Variants in SGCZ observed in about 807,000 individuals in gnomAD.
SGCZ encodes the protein zeta-sarcoglycan.
SGCZ carries 40 observed loss-of-function variants against 41.3 expected under a neutral mutation model. That is an observed-to-expected ratio of 0.97 (90% CI 0.75 to 1.26). SGCZ has a LOEUF of 1.26. SGCZ is among the 50% of genes most tolerant of loss of function. The pLI is 0.00. For synonymous variants in SGCZ, 206 were observed against 137.5 expected (o/e 1.50, Z -3.49); for missense variants, 552 against 369.8 (o/e 1.49, Z -4.04).
In SGCZ at chr8:15,038,098, A is replaced by T. The variant is rs935121807; in HGVS notation, c.39+199487T>A. ...AGTGACGTTTTTAAACAGAAATATAAAAAAAAATCTAAAATTTATATGGAA... is the reference window on the plus strand; with the variant it reads ...AGTGACGTTTTTAAACAGAAATATATAAAAAAATCTAAAATTTATATGGAA... On this transcript the variant is annotated intron_variant, in intron 1 of 7. Transcript: ENST00000382080. 1.5e-3 allele frequency among the ~76,000 whole-genome samples: 5 copies of T among 3,390 alleles called. No individual in the cohort carries two copies. In the Non-Finnish European group the frequency reaches 0.022, roughly 15 times the overall value. 2.2% of individuals were successfully genotyped at this position (3,390 alleles called of 152,430 possible).
intron 1 of SGCZ, among the ~76,000 whole-genome samples, chr8:15,178,360 AG>A: frequency 6.6e-6 from 1 of 152,148 alleles, no homozygotes; most frequent in Non-Finnish European, 1.5e-5. Flanking sequence ...CAGAGATCTG[AG>A]TTCAAAACCA....
At chr8:14,880,536 A>T (rs914541881) in intron 1 of SGCZ, among the ~76,000 whole-genome samples, 1 of 152,218 alleles carries the variant, frequency 6.6e-6, no homozygotes, top group African/African-American at 2.4e-5. Context: ...CACAATAGCA[A>T]AGACTTGGAA....
intron 7 of SGCZ, among the ~76,000 whole-genome samples, chr8:14,101,917 G>C (rs1288206658): frequency 5.3e-5 from 8 of 151,760 alleles, no homozygotes; most frequent in Admixed American, 3.3e-4. Context: ...TTTTGAGACG[G>C]AGTCTCGCTC....
chr8:14,674,980 C>A (rs917997605), intron 1 of SGCZ, among the ~76,000 whole-genome samples: 1 of 114,464 alleles, frequency 8.7e-6, no homozygotes, highest in East Asian at 3.0e-4. Context: ...CCTCTGTCGT[C>A]CAGGCTGAAG....
chr8:14,443,424 C>T (rs559262974), intron 2 of SGCZ, among the ~76,000 whole-genome samples: 7 of 152,182 alleles, frequency 4.6e-5, no homozygotes, highest in Non-Finnish European at 8.8e-5. Flanking sequence ...TACAAGGCTA[C>T]AGTAACCAAA....
chr8:14,577,656 G>C (rs1263810423), intron 1 of SGCZ, among the ~76,000 whole-genome samples: 1 of 152,060 alleles, frequency 6.6e-6, no homozygotes, highest in Non-Finnish European at 1.5e-5. Flanking sequence ...CCAAAGTGCT[G>C]GGATTACAGC....
At chr8:14,776,419 A>G (rs1800402695) in intron 1 of SGCZ, among the ~76,000 whole-genome samples, 2 of 151,912 alleles carry the variant, frequency 1.3e-5, no homozygotes. Context: ...CTTCACCGTG[A>G]CTGAGTCCAT....
At chr8:14,153,572 C>G (rs1445376404) in intron 5 of SGCZ, among the ~76,000 whole-genome samples, 1 of 152,108 alleles carries the variant, frequency 6.6e-6, no homozygotes, top group Non-Finnish European at 1.5e-5. Flanking sequence ...TTAGGATTCT[C>G]TTTCATTTAA....
intron 1 of SGCZ, among the ~76,000 whole-genome samples, chr8:14,855,934 T>A (rs1219900680): frequency 6.6e-6 from 1 of 152,174 alleles, no homozygotes; most frequent in Non-Finnish European, 1.5e-5. Context: ...TAAAGGCCGA[T>A]CCGAATTTTG....
At chr8:14,944,649 T>C (rs953881669) in intron 1 of SGCZ, among the ~76,000 whole-genome samples, 30 of 152,306 alleles carry the variant, frequency 2.0e-4, no homozygotes, top group African/African-American at 7.0e-4. Context: ...TGAATAGCTG[T>C]AAATACATTC....
chr8:15,049,894 T>G (rs1804452916), intron 1 of SGCZ, among the ~76,000 whole-genome samples: 1 of 152,162 alleles, frequency 6.6e-6, no homozygotes, highest in Non-Finnish European at 1.5e-5. Context: ...AGAGGTGACT[T>G]TGCTCCTCCT....
In SGCZ at chr8:14,444,151, G is replaced by T. The variant is rs901942545; in HGVS notation, c.234+110581C>A. Among the ~76,000 whole-genome samples, 112 of 152,244 alleles carry T rather than the reference G, an allele frequency of 7.4e-4. 1 individual carries two copies. The highest frequency in any genetic ancestry group is 2.7e-3 in the African/African-American group (111 of 41,524). ...TAGTTAGAATGGCGATCATTAAAAA[G>T]TCAGGAAACAACAGGTGCTGGAGAG... On this transcript the variant is annotated intron_variant, in intron 2 of 7. Coordinates refer to ENST00000382080, the MANE Select transcript of SGCZ (RefSeq NM_139167.4).
chr8:14,842,062 T>C (rs1802936159), intron 1 of SGCZ, among the ~76,000 whole-genome samples: 1 of 152,140 alleles, frequency 6.6e-6, no homozygotes, highest in African/African-American at 2.4e-5. Context: ...AATCCTGGGG[T>C]AGATTCTAGT....
At chr8:14,988,058 C>A (rs1801884253) in intron 1 of SGCZ, among the ~76,000 whole-genome samples, 1 of 151,808 alleles carries the variant, frequency 6.6e-6, no homozygotes, top group Non-Finnish European at 1.5e-5. Flanking sequence ...TAAGGTATAA[C>A]CAGATAGGCC....
In SGCZ at chr8:14,297,211, C is replaced by T. The variant is rs563149827; in HGVS notation, c.336+26892G>A. Among the ~76,000 whole-genome samples the T allele has an allele frequency of 1.3e-4, 20 of 152,218 alleles. 1 individual carries two copies. The South Asian group carries it at 1.4e-3, about 11-fold the overall frequency. ...GTGCTGGGATTACAGGCCTGAGCCA[C>T]TGCACTCGGCCCTGAATATTTTTAT... On this transcript the variant is annotated intron_variant, in intron 3 of 7. Transcript: ENST00000382080.
intron 1 of SGCZ, among the ~76,000 whole-genome samples, chr8:15,021,981 G>C (rs529427360): frequency 1.3e-5 from 2 of 152,252 alleles, no homozygotes; most frequent in Admixed American, 6.5e-5. Context: ...AACATAAATA[G>C]AAACATAACC....
chr8:14,648,018 A>C (rs764629089), intron 1 of SGCZ, among the ~76,000 whole-genome samples: 117 of 152,118 alleles, frequency 7.7e-4, no homozygotes, highest in Non-Finnish European at 1.4e-3. Flanking sequence ...CTCATTTCCC[A>C]GAGGGAGGTA....
At chr8:14,217,587 G>C (rs1220584982) in intron 4 of SGCZ, among the ~76,000 whole-genome samples, 1 of 147,124 alleles carries the variant, frequency 6.8e-6, no homozygotes, top group Non-Finnish European at 1.5e-5. Context: ...GATTTTGAGA[G>C]ATGAAGCAAA....
chr8:14,121,446 T>C (rs1360886293), intron 5 of SGCZ, among the ~76,000 whole-genome samples: 4 of 152,274 alleles, frequency 2.6e-5, no homozygotes, highest in African/African-American at 9.6e-5. Context: ...TAATGCTCTT[T>C]TTTAAAGTAC....
Sources: gnomAD v4.1 joint callset for allele counts (sites outside exome capture counted in the v4.1 genomes callset) on GRCh38, gnomAD v4.1.1 for gene constraint, MANE v1.5 for transcripts, NCBI Gene and HGNC (gene_info 2026-07-23, HGNC 2026-07-21) for gene names.